The following LUZP2 variants were observed in gnomAD, a reference collection of about 807,000 sequenced individuals.
LUZP2 encodes leucine zipper protein 2.
In LUZP2, 52 loss-of-function variants were observed where a neutral mutation model predicts 51.6. The ratio of observed to expected loss-of-function variants is 1.01; its 90% confidence interval spans 0.81 to 1.27. LUZP2 has a LOEUF of 1.27. LUZP2 is among the 50% of genes most tolerant of loss of function. The probability of loss-of-function intolerance (pLI) is 0.00; values close to 1 mark genes in which losing one functional copy is unlikely to be tolerated. For missense variants in LUZP2, 436 were observed against 395.4 expected (o/e 1.10, Z -0.87); for synonymous variants, 154 against 137.3 (o/e 1.12, Z -0.85).
At chr11:24,799,107 A>G (rs1849624605) in intron 5 of LUZP2, among the ~76,000 whole-genome samples, 1 of 152,160 alleles carries the variant, frequency 6.6e-6, no homozygotes, top group Non-Finnish European at 1.5e-5. Flanking sequence ...CTCCATCATC[A>G]TTGTCATCAT....
intron 1 of LUZP2, among the ~76,000 whole-genome samples, chr11:24,498,613 T>C (rs1173324672): frequency 6.6e-6 from 1 of 152,240 alleles, no homozygotes; most frequent in African/African-American, 2.4e-5. Flanking sequence ...AAAGTGCAGA[T>C]GGTTTTAAAG....
intron 7 of LUZP2, among the ~76,000 whole-genome samples, chr11:24,920,922 A>G (rs1024426811): frequency 1.3e-5 from 2 of 152,166 alleles, no homozygotes; most frequent in African/African-American, 4.8e-5. Context: ...ACAAAATTGC[A>G]CTTACACCCC....
intron 5 of LUZP2, among the ~76,000 whole-genome samples, chr11:24,780,435 C>T (rs1849056821): frequency 6.6e-6 from 1 of 152,082 alleles, no homozygotes; most frequent in Non-Finnish European, 1.5e-5. Flanking sequence ...TGGAAAAGAC[C>T]TCTTAAACAT....
chr11:24,766,831 A>G (rs917576520), intron 5 of LUZP2, among the ~76,000 whole-genome samples: 2 of 152,012 alleles, frequency 1.3e-5, no homozygotes, highest in African/African-American at 4.8e-5. Flanking sequence ...GCGCGATCTC[A>G]GCTCACTGCA....
At chr11:24,542,487 A>T (rs1373037622) in intron 1 of LUZP2, among the ~76,000 whole-genome samples, 1 of 151,998 alleles carries the variant, frequency 6.6e-6, no homozygotes, top group Non-Finnish European at 1.5e-5. Flanking sequence ...CTTAGTTATT[A>T]CTGAATGTTA....
intron 1 of LUZP2, among the ~76,000 whole-genome samples, chr11:24,720,790 C>T (rs1311270473): frequency 6.6e-6 from 1 of 152,154 alleles, no homozygotes; most frequent in Admixed American, 6.5e-5. Flanking sequence ...GCTCTGCCTC[C>T]CGGGTTCACG....
chr11:24,535,670 C>T (rs960952259), intron 1 of LUZP2, among the ~76,000 whole-genome samples: 13 of 151,142 alleles, frequency 8.6e-5, no homozygotes, highest in Non-Finnish European at 1.6e-4. Context: ...TCAGACACAC[C>T]TTCCTCCATT....
intron 10 of LUZP2, among the ~76,000 whole-genome samples, chr11:25,061,028 A>G (rs1189521851): frequency 6.6e-6 from 1 of 152,134 alleles, no homozygotes; most frequent in Non-Finnish European, 1.5e-5. Flanking sequence ...GTCTAATTTT[A>G]TTTTCCAATA....
intron 1 of LUZP2, among the ~76,000 whole-genome samples, chr11:24,648,986 T>G (rs1265532545): frequency 6.6e-6 from 1 of 152,030 alleles, no homozygotes; most frequent in Non-Finnish European, 1.5e-5. Context: ...CTTTTTCCAA[T>G]AAGGGTATTC....
intron 2 of LUZP2, among the ~76,000 whole-genome samples, chr11:24,730,687 G>A (rs962182949): frequency 3.3e-5 from 5 of 151,872 alleles, no homozygotes; most frequent in East Asian, 1.9e-4. Flanking sequence ...AAAGCATATC[G>A]TGAAAGGCCC....
intron 7 of LUZP2, among the ~76,000 whole-genome samples, chr11:24,948,120 C>G (rs1854949657): frequency 6.6e-6 from 1 of 151,594 alleles, no homozygotes; most frequent in South Asian, 2.1e-4. Flanking sequence ...TCTTTTTTCT[C>G]TGTTTCCTCA....
intron 7 of LUZP2, among the ~76,000 whole-genome samples, chr11:24,936,311 T>C (rs1854585399): frequency 6.6e-6 from 1 of 152,174 alleles, no homozygotes; most frequent in Non-Finnish European, 1.5e-5. Context: ...AAAGAAAAGA[T>C]TTATGGTACC....
At chr11:24,716,017 A>G (rs1217171905) in intron 1 of LUZP2, among the ~76,000 whole-genome samples, 1 of 152,172 alleles carries the variant, frequency 6.6e-6, no homozygotes, top group Non-Finnish European at 1.5e-5. Flanking sequence ...CACTACACCT[A>G]TATTTCTGAA....
chr11:24,905,823 A>C (rs1853433795), intron 5 of LUZP2, among the ~76,000 whole-genome samples, 168 bp from the exon 6 acceptor site: 1 of 152,222 alleles, frequency 6.6e-6, no homozygotes, highest in Non-Finnish European at 1.5e-5. Context: ...TGAATAAAAA[A>C]CAATCTTTTA....
chr11:24,974,974 G>C, intron 7 of LUZP2, among the ~76,000 whole-genome samples: 1 of 152,112 alleles, frequency 6.6e-6, no homozygotes, highest in South Asian at 2.1e-4. Flanking sequence ...AGTGATCTTG[G>C]CTGGGCTGAA....
chr11:24,853,279 A>G (rs1226489372), intron 5 of LUZP2, among the ~76,000 whole-genome samples: 1 of 151,936 alleles, frequency 6.6e-6, no homozygotes, highest in Non-Finnish European at 1.5e-5. Flanking sequence ...TGGTGACAAA[A>G]TCTCTCAGCA....
chr11:24,512,047 G>A (rs975362402), intron 1 of LUZP2, among the ~76,000 whole-genome samples: 11 of 152,144 alleles, frequency 7.2e-5, no homozygotes, highest in African/African-American at 2.7e-4. Flanking sequence ...AGTTGAAGGA[G>A]TTTCTCTGTA....
intron 5 of LUZP2, among the ~76,000 whole-genome samples, chr11:24,829,108 C>A (rs1850623456): frequency 6.6e-6 from 1 of 152,102 alleles, no homozygotes. Context: ...TATTTTATTC[C>A]CTCTGAAAAG....
rs762736713 is a variant in LUZP2 at position 24,763,334 on chromosome 11, A to G, written c.396+26A>G. The G allele has an allele frequency of 1.4e-5, 16 of 1,120,774 alleles. No homozygotes were observed. The East Asian group carries it at 3.9e-4, about 27-fold the overall frequency. 69.4% of individuals were successfully genotyped at this position (1,120,774 alleles called of 1,614,324 possible). ...GTAAGATATATTTCATCTTAGATAC[A>G]TTTTATATAGATCAAATAATATACA... On this transcript the variant is annotated intron_variant, in intron 5 of 11. Transcript: ENST00000336930.
Sources: allele counts gnomAD v4.1 joint callset (sites outside exome capture counted in the v4.1 genomes callset), GRCh38; gene constraint gnomAD v4.1.1; transcripts MANE v1.5; gene names NCBI Gene and HGNC (gene_info 2026-07-23, HGNC 2026-07-21).